STPG2: variants seen among roughly 807,000 people sequenced by gnomAD.
STPG2 encodes the protein sperm tail PG-rich repeat containing 2, also known as sperm-tail PG-rich repeat-containing protein 2.
In STPG2, 56 loss-of-function variants were observed where a neutral mutation model predicts 54.2. The observed-to-expected ratio is 1.03, with a 90% CI of 0.83 to 1.29. The LOEUF is 1.29. Among genes scored for constraint, STPG2 ranks in the 50% most tolerant of loss-of-function variants. The pLI is 0.00. For synonymous variants in STPG2, 200 were observed against 181.8 expected (o/e 1.10, Z -0.81); for missense variants, 596 against 544.9 (o/e 1.09, Z -0.93).
chr4:97,747,695 A>G (rs115234121), intron 9 of STPG2, among the ~76,000 whole-genome samples: 5 of 151,308 alleles, frequency 3.3e-5, no homozygotes, highest in Non-Finnish European at 7.4e-5. Flanking sequence ...ATTAATGTGC[A>G]TGATTTCTAC....
At chr4:97,513,020 A>G (rs1731005209) in intron 4 of STPG2, among the ~76,000 whole-genome samples, 1 of 152,108 alleles carries the variant, frequency 6.6e-6, no homozygotes, top group African/African-American at 2.4e-5. Context: ...TGCTGGTTGC[A>G]AGAACAGATT....
intron 4 of STPG2, among the ~76,000 whole-genome samples, chr4:97,453,961 C>CAGGAA (rs776013797): frequency 1.3e-5 from 2 of 152,064 alleles, no homozygotes; most frequent in African/African-American, 4.8e-5. Flanking sequence ...AAATGAAACT[C>CAGGAA]TTCCTAAGTT....
chr4:97,665,311 T>C (rs1295148993), intron 10 of STPG2, among the ~76,000 whole-genome samples: 2 of 152,124 alleles, frequency 1.3e-5, no homozygotes, highest in African/African-American at 4.8e-5. Context: ...GAGGTACAGG[T>C]ACAAGTGGAG....
At chr4:97,838,667 G>A (rs767506281) in intron 9 of STPG2, among the ~76,000 whole-genome samples, 4 of 151,238 alleles carry the variant, frequency 2.6e-5, no homozygotes, top group South Asian at 4.2e-4. Context: ...ACCAGAATAC[G>A]GCATGATATT....
At chr4:97,847,951 T>C (rs1729008404) in intron 8 of STPG2, among the ~76,000 whole-genome samples, 1 of 152,154 alleles carries the variant, frequency 6.6e-6, no homozygotes, top group African/African-American at 2.4e-5. Flanking sequence ...CCAAAATACT[T>C]ATTACGTGGC....
chr4:97,778,261 A>G lies in STPG2; in HGVS notation c.1204+62512T>C, dbSNP rs115942141. 3.3e-3 allele frequency among the ~76,000 whole-genome samples: 497 copies of G among 152,206 alleles called. 2 individuals are homozygous for G. Among genetic ancestry groups the G allele is most frequent in the African/African-American group, 0.011 (473 of 41,536 alleles). On this transcript the variant is annotated intron_variant, in intron 9 of 10. Transcript: ENST00000295268. Reference sequence around the variant, plus strand: ...GTCGTAGCAAAGGGCACAAGAGGAGATTATATCCCATGCCTGGCTCGGAGG... The same window carrying G: ...GTCGTAGCAAAGGGCACAAGAGGAGGTTATATCCCATGCCTGGCTCGGAGG...
intron 7 of STPG2, among the ~76,000 whole-genome samples, chr4:97,954,830 T>C (rs188449097): frequency 5.3e-5 from 8 of 152,230 alleles, no homozygotes; most frequent in Non-Finnish European, 8.8e-5. Flanking sequence ...TTAAAAATTA[T>C]AGGGCATGCC....
At chr4:97,591,058 G>T (rs1733132476) in intron 10 of STPG2, among the ~76,000 whole-genome samples, 1 of 152,034 alleles carries the variant, frequency 6.6e-6, no homozygotes, top group South Asian at 2.1e-4. Flanking sequence ...AATATCAAAA[G>T]CATGCAGAAT....
intron 5 of STPG2, among the ~76,000 whole-genome samples, chr4:98,002,625 T>C (rs1560630507): frequency 6.6e-6 from 1 of 152,036 alleles, no homozygotes; most frequent in Non-Finnish European, 1.5e-5. Context: ...TGCTGGAATG[T>C]CAATATGGAT....
chr4:98,074,695 C>T (rs920777036), intron 5 of STPG2, among the ~76,000 whole-genome samples: 7 of 152,184 alleles, frequency 4.6e-5, no homozygotes, highest in Admixed American at 2.6e-4. Flanking sequence ...AGTGAAATGA[C>T]AAAGAGGTCT....
rs1166820709 is a variant in STPG2 at position 98,100,662 on chromosome 4, C to CTT, written c.612+5289_612+5290dup. Among the ~76,000 whole-genome samples the CTT allele has an allele frequency of 8.5e-3, 995 of 116,728 alleles. 31 individuals are homozygous for CTT. The highest frequency in any genetic ancestry group is 0.028 in the African/African-American group (900 of 31,632). 76.6% of individuals were successfully genotyped at this position (116,728 alleles called of 152,430 possible). The stretch of plus-strand genomic sequence containing the variant: ...CCCAAGTCATATCTTCTTTTTCTTT[C>CTT]TTTTTTTTTTTTTTTTTTTTTTTTT... On this transcript the variant is annotated intron_variant, in intron 5 of 10. Coordinates refer to ENST00000295268, the MANE Select transcript of STPG2 (RefSeq NM_174952.3).
intron 8 of STPG2, among the ~76,000 whole-genome samples, chr4:97,942,279 C>T (rs926298623): frequency 6.6e-6 from 1 of 151,874 alleles, no homozygotes; most frequent in African/African-American, 2.4e-5. Context: ...CATTCAATGA[C>T]TCCTAAGCAT....
chr4:98,020,761 C>T (rs1248325712), intron 5 of STPG2, among the ~76,000 whole-genome samples: 1 of 152,118 alleles, frequency 6.6e-6, no homozygotes, highest in African/African-American at 2.4e-5. Flanking sequence ...GTGTATGTGT[C>T]CAGGAATTTA....
chr4:97,813,428 C>T (rs921564236), intron 9 of STPG2, among the ~76,000 whole-genome samples: 1 of 151,794 alleles, frequency 6.6e-6, no homozygotes, highest in Non-Finnish European at 1.5e-5. Flanking sequence ...ACTTACTATG[C>T]TATGGGTACT....
chr4:97,786,224 T>G (rs1195373709), intron 9 of STPG2, among the ~76,000 whole-genome samples: 3 of 151,984 alleles, frequency 2.0e-5, no homozygotes, highest in African/African-American at 7.2e-5. Flanking sequence ...TACCAGGATT[T>G]GGATTCAAAT....
At position 97,706,579 on chromosome 4, in the gene STPG2, G is replaced by C. The variant is rs896613786; in HGVS notation, c.1320+6120C>G. Among the ~76,000 whole-genome samples the C allele has an allele frequency of 9.2e-5, 14 of 152,186 alleles. 1 individual carries two copies. Among genetic ancestry groups the C allele is most frequent in the Admixed American group, 7.9e-4 (12 of 15,270 alleles). ...TTTATAAACCACCCAGTCTCTGTTA[G>C]TTTGTTAAAGCAGCCAAAACCAACT... On this transcript the variant is annotated intron_variant, in intron 10 of 10. Transcript: ENST00000295268.
intron 8 of STPG2, among the ~76,000 whole-genome samples, chr4:97,893,935 C>G (rs1052815441): frequency 2.0e-5 from 3 of 151,804 alleles, no homozygotes; most frequent in Non-Finnish European, 4.4e-5. Context: ...GTATCAGGAA[C>G]AGAAAGGGTA....
rs775536558 is a variant in STPG2 at position 97,779,448 on chromosome 4, TATCTGA to T, written c.1204+61319_1204+61324del. 6.8e-3 allele frequency among the ~76,000 whole-genome samples: 1,041 copies of T among 152,254 alleles called. 3 individuals carry two copies. Among genetic ancestry groups the T allele is most frequent in the African/African-American group, 9.2e-3 (382 of 41,554 alleles). On this transcript the variant is annotated intron_variant, in intron 9 of 10. Coordinates refer to ENST00000295268, the MANE Select transcript of STPG2 (RefSeq NM_174952.3). ...CACGACTATGTATAGACCAAATCTA[TATCTGA>T]TCGGTGTACCTGAAAGTGATGGGGA...
At chr4:97,452,123 C>A in intron 4 of STPG2, among the ~76,000 whole-genome samples, 1 of 56,320 alleles carries the variant, frequency 1.8e-5, no homozygotes, top group Non-Finnish European at 4.3e-5. Context: ...CGCCCCCACC[C>A]CCCCCCCCCC....
Sources: gnomAD v4.1 joint callset for allele counts (sites outside exome capture counted in the v4.1 genomes callset) on GRCh38, gnomAD v4.1.1 for gene constraint, MANE v1.5 for transcripts, NCBI Gene and HGNC (gene_info 2026-07-23, HGNC 2026-07-21) for gene names.